The following FGFR1 variants were observed in gnomAD, a reference collection of about 807,000 sequenced individuals.
FGFR1 encodes the protein fibroblast growth factor receptor 1.
A neutral mutation model predicts 93.7 loss-of-function variants in FGFR1; 18 were observed. The ratio of observed to expected loss-of-function variants is 0.19; its 90% confidence interval spans 0.13 to 0.28. The LOEUF (loss-of-function observed/expected upper bound fraction) is 0.28, where lower values mean the gene tolerates loss of function less well. Among genes scored for constraint, FGFR1 ranks in the 10% least tolerant of loss-of-function variants. The pLI, the probability that FGFR1 is intolerant of heterozygous loss-of-function variation, is 1.00. For missense variants in FGFR1, 731 were observed against 1,080.4 expected (o/e 0.68, Z 4.53); for synonymous variants, 448 against 429.3 (o/e 1.04, Z -0.54).
intron 2 of FGFR1, chr8:38,440,303 T>C: frequency 1.2e-6 from 2 of 1,604,144 alleles, no homozygotes; most frequent in Non-Finnish European, 8.5e-7. Context: ...ACTGAAAACT[T>C]ACCTTCGGCT....
chr8:38,428,461 G>A, intron 3 of FGFR1, 26 bp from the exon 4 acceptor site: 1 of 1,586,912 alleles, frequency 6.3e-7, no homozygotes, highest in Non-Finnish European at 8.6e-7. Flanking sequence ...GGGGCACTGA[G>A]GTTCCTCCTA....
At chr8:38,457,212 T>C (rs1331034629) in intron 2 of FGFR1, 144 bp downstream of exon 2, 4 of 885,102 alleles carry the variant, frequency 4.5e-6, no homozygotes, top group Non-Finnish European at 7.1e-6. Context: ...CTTGAGAGTT[T>C]CTCCTACAGG....
rs567569460 is a variant in FGFR1, at chr8:38,440,426, G to A, written c.92-10478C>T. The A allele has an allele frequency of 1.2e-5, 18 of 1,453,330 alleles. No homozygotes were observed. The Middle Eastern group carries it at 7.4e-4, about 60-fold the overall frequency. 90.0% of individuals were successfully genotyped at this position (1,453,330 alleles called of 1,614,324 possible). ...CAAAAATGTGTTTCTCTCAACTCTC[G>A]GAGTCCCCAAATAGAAGGAGAGCTG... On this transcript the variant is annotated intron_variant, in intron 2 of 17. Transcript: ENST00000447712.
chr8:38,420,344 G>A (rs1474985167), intron 8 of FGFR1: 7 of 156,930 alleles, frequency 4.5e-5, no homozygotes, highest in African/African-American at 1.7e-4. Flanking sequence ...TTGGGTCTGT[G>A]TCATCTCTGT....
In FGFR1 at chr8:38,419,424, G is replaced by A. The variant is rs555339958; in HGVS notation, c.1284+109C>T. The A allele has an allele frequency of 8.3e-5, 86 of 1,035,732 alleles. No homozygotes were observed. The African/African-American group carries it at 1.3e-3, about 15-fold the overall frequency. The allele number at this position is 1,035,732 out of a possible 1,614,324, so 64.2% of individuals were successfully genotyped here. A position where few individuals can be genotyped will look rare whatever the true frequency, so the allele number is the denominator to read the frequency against. On this transcript the variant is annotated intron_variant, in intron 9 of 17. Transcript: ENST00000447712. ...ATATTCCACTGTGCCTTGCCCAGAA[G>A]CCAGAAAATAAGGCCCAAAGCTATA...
chr8:38,468,016 C>A lies in FGFR1; in HGVS notation c.-124G>T. On this transcript the variant is annotated 5_prime_UTR_variant, in exon 1 of 18. Coordinates refer to ENST00000447712, the MANE Select transcript of FGFR1 (RefSeq NM_023110.3). ...GTGGAGGTTCCGCCTCGGGAGAGTC[C>A]GCCGTGGCTTGTGCGAGCGGGCGTG... 4.5e-6 allele frequency: 1 copy of A among 221,346 alleles called. No homozygotes were observed. The allele number at this position is 221,346 out of a possible 1,614,324, so 13.7% of individuals were successfully genotyped here. A position where few individuals can be genotyped will look rare whatever the true frequency, so the allele number is the denominator to read the frequency against.
intron 1 of FGFR1, chr8:38,461,366 GCT>G (rs1376174359): frequency 3.9e-6 from 2 of 515,986 alleles, no homozygotes; most frequent in Non-Finnish European, 6.9e-6. Flanking sequence ...ACAGAGTGTT[GCT>G]CTGTCACCCA....
chr8:38,425,848 C>T (rs1302216782), intron 6 of FGFR1: 2 of 496,218 alleles, frequency 4.0e-6, no homozygotes, highest in Admixed American at 3.2e-5. Context: ...AACACCTCTC[C>T]AACAACGCCT....
chr8:38,427,727 A>C (rs1414625560), intron 5 of FGFR1, among the ~76,000 whole-genome samples, 194 bp downstream of exon 5: 3 of 152,280 alleles, frequency 2.0e-5, no homozygotes, highest in Non-Finnish European at 4.4e-5. Context: ...CAACTATGTA[A>C]AAACCATATT....
At chr8:38,462,812 C>G (rs1208923600) in intron 1 of FGFR1, among the ~76,000 whole-genome samples, 3 of 151,710 alleles carry the variant, frequency 2.0e-5, no homozygotes, top group African/African-American at 7.3e-5. Context: ...CCATGTTGGC[C>G]AGGCTGGTCT....
rs1052323318 is a variant in FGFR1 at position 38,424,975 on chromosome 8, C to T, written c.746-276G>A. On this transcript the variant is annotated intron_variant, in intron 6 of 17. Transcript: ENST00000447712. The surrounding 1 kb of genome is among the most constrained non-coding windows in gnomAD (Gnocchi z 4.3). ...TGGAGAACCTTCTAATTCAGTTGCA[C>T]CCCCAGACCTCAGCACAACCTGCTC... Among the ~76,000 whole-genome samples, 1 of 152,144 alleles carries T rather than the reference C, an allele frequency of 6.6e-6. No individual in the cohort carries two copies. Among genetic ancestry groups the T allele is most frequent in the African/African-American group, 2.4e-5 (1 of 41,418 alleles).
rs916033786 is a variant in FGFR1 at position 38,413,163 on chromosome 8, C to T, written c.*465G>A. ...ACCACCTATCTGGGGCAGAGGTCAC[C>T]TTCAATCGAGGCACGAAGCACTGAC... is the stretch of plus-strand genomic sequence containing the variant. On this transcript the variant is annotated 3_prime_UTR_variant, in exon 18 of 18. Transcript: ENST00000447712. This position sits in a 1 kb window ranked among gnomAD's most constrained non-coding sequence, Gnocchi z 4.2. 2.0e-5 allele frequency: 5 copies of T among 245,692 alleles called. No homozygotes were observed. Among genetic ancestry groups the T allele is most frequent in the Non-Finnish European group, 8.0e-6 (1 of 125,684 alleles). 15.2% of individuals were successfully genotyped at this position (245,692 alleles called of 1,614,324 possible).
intron 13 of FGFR1, among the ~76,000 whole-genome samples, chr8:38,415,468 ATTT>A (rs11451619): frequency 7.1e-6 from 1 of 141,680 alleles, no homozygotes; most frequent in African/African-American, 2.6e-5. Flanking sequence ...TAATTTTTTA[ATTT>A]TTTTTTTTTT....
chr8:38,449,660 A>ACCC (rs1156694885), intron 2 of FGFR1, among the ~76,000 whole-genome samples: 2 of 136,432 alleles, frequency 1.5e-5, no homozygotes, highest in Non-Finnish European at 3.2e-5. Context: ...CACAGCCCCC[A>ACCC]CCCCACCTTT....
At chr8:38,448,138 G>GA (rs1305567103) in intron 2 of FGFR1, among the ~76,000 whole-genome samples, 9 of 152,066 alleles carry the variant, frequency 5.9e-5, no homozygotes, top group African/African-American at 2.2e-4. Flanking sequence ...ATAAATGCAA[G>GA]AAAAAAGTCT....
intron 2 of FGFR1, chr8:38,440,498 C>G: frequency 7.4e-6 from 5 of 678,346 alleles, no homozygotes; most frequent in Non-Finnish European, 9.3e-6. Context: ...CCGGGAGCAC[C>G]AAATCAATTA....
rs1051214159 is a variant in FGFR1, at chr8:38,417,036, G to A, written c.1663+270C>T. On this transcript the variant is annotated intron_variant, in intron 12 of 17. Coordinates refer to ENST00000447712, the MANE Select transcript of FGFR1 (RefSeq NM_023110.3). The stretch of plus-strand genomic sequence containing the variant: ...CCCAAATTGCTGGGATTACAGGCAT[G>A]AGCCACTGCACCCAGCCTGAGCGCT... Among the ~76,000 whole-genome samples the A allele has an allele frequency of 7.7e-4, 118 of 152,356 alleles. 2 individuals are homozygous for A. Among genetic ancestry groups the A allele is most frequent in the Non-Finnish European group, 7.1e-4 (48 of 68,042 alleles).
chr8:38,429,342 G>C lies in FGFR1; in HGVS notation c.358+340C>G, dbSNP rs761180184. 1.6e-6 allele frequency: 1 copy of C among 606,824 alleles called. No homozygotes were observed. Among genetic ancestry groups the C allele is most frequent in the Non-Finnish European group, 3.2e-6 (1 of 316,928 alleles). The allele number at this position is 606,824 out of a possible 1,614,324, so 37.6% of individuals were successfully genotyped here. On this transcript the variant is annotated intron_variant, in intron 3 of 17. Coordinates refer to ENST00000447712, the MANE Select transcript of FGFR1 (RefSeq NM_023110.3). This position sits in a 1 kb window ranked among gnomAD's most constrained non-coding sequence, Gnocchi z 4.4. ...AAGTCCAAATGGCAAGGGAGTGATGGAGTGGAAGCTGGCCGAGCACCACTT... is the reference window on the plus strand; with the variant it reads ...AAGTCCAAATGGCAAGGGAGTGATGCAGTGGAAGCTGGCCGAGCACCACTT...
intron 2 of FGFR1, among the ~76,000 whole-genome samples, chr8:38,433,920 T>C (rs1285995185): frequency 2.6e-5 from 4 of 152,216 alleles, no homozygotes; most frequent in Non-Finnish European, 5.9e-5. Flanking sequence ...TAGTAGTCAC[T>C]CCTCCATCCC....
Sources: gnomAD v4.1 joint callset for allele counts (sites outside exome capture counted in the v4.1 genomes callset) on GRCh38, gnomAD v4.1.1 for gene constraint, Gnocchi (gnomAD v3.1) non-coding constraint, MANE v1.5 for transcripts, NCBI Gene and HGNC (gene_info 2026-07-23, HGNC 2026-07-21) for gene names.